LIMCH1: variants seen among roughly 807,000 people sequenced by gnomAD.
LIMCH1 encodes LIM and calponin homology domains 1.
LIMCH1 carries 113 observed loss-of-function variants against 176.5 expected under a neutral mutation model. That is an observed-to-expected ratio of 0.64 (90% CI 0.55 to 0.75). The LOEUF is 0.75. Ranked by LOEUF, LIMCH1 falls within the 30% of genes least tolerant of loss-of-function variation. LIMCH1 has a pLI of 0.00. For missense variants in LIMCH1, 1,674 were observed against 1,814.9 expected (o/e 0.92, Z 1.41); for synonymous variants, 619 against 645.9 (o/e 0.96, Z 0.63).
chr4:41,474,348 G>A (rs1391378738), intron 1 of LIMCH1, among the ~76,000 whole-genome samples: 2 of 152,092 alleles, frequency 1.3e-5, no homozygotes, highest in Admixed American at 6.5e-5. Context: ...TTAGCTGGGT[G>A]TGGTGGCAGG....
intron 1 of LIMCH1, among the ~76,000 whole-genome samples, chr4:41,443,509 T>C (rs1408613222): frequency 6.6e-6 from 1 of 152,258 alleles, no homozygotes; most frequent in South Asian, 2.1e-4. Flanking sequence ...TATTATCCAA[T>C]GAAACCATTC....
chr4:41,542,126 A>G (rs1415120252), intron 1 of LIMCH1, among the ~76,000 whole-genome samples: 1 of 151,944 alleles, frequency 6.6e-6, no homozygotes, highest in Non-Finnish European at 1.5e-5. Context: ...ACATCCTGGG[A>G]TTTTCACACT....
intron 1 of LIMCH1, among the ~76,000 whole-genome samples, chr4:41,456,211 G>C (rs1278984601): frequency 6.6e-6 from 1 of 152,076 alleles, no homozygotes; most frequent in Non-Finnish European, 1.5e-5. Flanking sequence ...CCAGAAACAT[G>C]GCTAGGTTTA....
chr4:41,361,097 C>G (rs2051947923), intron 1 of LIMCH1, among the ~76,000 whole-genome samples: 1 of 152,094 alleles, frequency 6.6e-6, no homozygotes, highest in Non-Finnish European at 1.5e-5. Context: ...AGCCGCGAAA[C>G]CTTAGCGCTT....
At chr4:41,464,325 C>T (rs186918216) in intron 1 of LIMCH1, among the ~76,000 whole-genome samples, 2 of 151,350 alleles carry the variant, frequency 1.3e-5, no homozygotes, top group Admixed American at 6.6e-5. Context: ...ACTCATTCTT[C>T]GGATTTCCAC....
At chr4:41,650,343 TTTGA>T in intron 17 of LIMCH1, 46 bp from the exon 18 acceptor site, 1 of 1,331,978 alleles carries the variant, frequency 7.5e-7, no homozygotes, top group African/African-American at 1.4e-5. Context: ...TGTTACAGTC[TTTGA>T]TTGGGGTATA....
intron 1 of LIMCH1, among the ~76,000 whole-genome samples, chr4:41,435,034 A>G (rs1470786159): frequency 6.6e-6 from 1 of 152,164 alleles, no homozygotes; most frequent in Non-Finnish European, 1.5e-5. Context: ...TTATATGGAA[A>G]ATGAGACTTT....
At chr4:41,482,864 A>G (rs1409446653) in intron 1 of LIMCH1, among the ~76,000 whole-genome samples, 1 of 152,200 alleles carries the variant, frequency 6.6e-6, no homozygotes, top group African/African-American at 2.4e-5. Flanking sequence ...GGGTTGGTAC[A>G]AGTTCATTAA....
chr4:41,390,582 A>T (rs2057120055), intron 1 of LIMCH1, among the ~76,000 whole-genome samples: 2 of 152,204 alleles, frequency 1.3e-5, no homozygotes. Flanking sequence ...AGAATAACAA[A>T]TTTTTTATTG....
chr4:41,502,999 G>GTCCGTCCATCCA (rs1554075693), intron 2 of LIMCH1, among the ~76,000 whole-genome samples: 2 of 138,312 alleles, frequency 1.4e-5, no homozygotes, highest in Admixed American at 1.4e-4. Flanking sequence ...TGGTCTGTCT[G>GTCCGTCCATCCA]TCCATCCATC....
At chr4:41,427,253 A>G (rs1269238341) in intron 1 of LIMCH1, among the ~76,000 whole-genome samples, 1 of 152,114 alleles carries the variant, frequency 6.6e-6, no homozygotes, top group Non-Finnish European at 1.5e-5. Context: ...TCTGAACTGC[A>G]TAGGGCCTGC....
chr4:41,626,885 C>T lies in LIMCH1; in HGVS notation c.903C>T (p.Thr301=). 3.9e-6 allele frequency: 6 copies of T among 1,536,074 alleles called. No homozygotes were observed. Among genetic ancestry groups the T allele is most frequent in the Non-Finnish European group, 5.2e-6 (6 of 1,146,890 alleles). The change falls in exon 8 of 32, where the codon ACC becomes ACT. Residue 301 remains threonine (T), a synonymous_variant. Coordinates refer to ENST00000503057, the MANE Select transcript of LIMCH1 (RefSeq NM_001330672.2). The part of the protein sequence containing the change: ...FAARRARMNQ[T]KPMVPLNQLL... Reference sequence around the variant, plus strand: ...CAAGGAGAGCAAGGATGAACCAAACCAAGCCAATGGTGCCATTAAATCAAC... The same window carrying T: ...CAAGGAGAGCAAGGATGAACCAAACTAAGCCAATGGTGCCATTAAATCAAC...
intron 1 of LIMCH1, among the ~76,000 whole-genome samples, chr4:41,362,189 C>T (rs1022357311): frequency 2.0e-5 from 3 of 152,194 alleles, no homozygotes; most frequent in African/African-American, 7.2e-5. Context: ...ACCTGCTTCC[C>T]GCAAGCAAGA....
At chr4:41,505,925 GACAC>G (rs36212568) in intron 2 of LIMCH1, among the ~76,000 whole-genome samples, 3,056 of 134,610 alleles carry the variant, frequency 0.023, 42 homozygotes, top group East Asian at 0.031. Context: ...CTGTGTTTCT[GACAC>G]ACACACACAC....
chr4:41,586,275 A>G (rs1336728199), intron 1 of LIMCH1, among the ~76,000 whole-genome samples: 1 of 151,642 alleles, frequency 6.6e-6, no homozygotes. Flanking sequence ...TGCCTGGCTA[A>G]TTTTCATATT....
chr4:41,494,466 TA>T, intron 1 of LIMCH1: 3 of 1,033,262 alleles, frequency 2.9e-6, no homozygotes, highest in Non-Finnish European at 4.5e-6. Flanking sequence ...CACACACACA[TA>T]TATATATGAT....
Position 41,403,344 on chromosome 4 carries a change from G to C in LIMCH1, c.96+42408G>C, listed in dbSNP as rs540108703. On this transcript the variant is annotated intron_variant, in intron 1 of 26. Coordinates refer to the LIMCH1 transcript ENST00000313860. Reference sequence around the variant, plus strand: ...AACTGTAATCCCAGCAGTTTGGGAGGCTGAGGCAAGCGGATCACTTGAGCT... The same window carrying C: ...AACTGTAATCCCAGCAGTTTGGGAGCCTGAGGCAAGCGGATCACTTGAGCT... 7.2e-5 allele frequency among the ~76,000 whole-genome samples: 11 copies of C among 152,264 alleles called. No individual in the cohort carries two copies. In the South Asian group the frequency reaches 2.3e-3, roughly 32 times the overall value.
At chr4:41,407,612 T>C (rs1404959424) in intron 1 of LIMCH1, among the ~76,000 whole-genome samples, 1 of 152,204 alleles carries the variant, frequency 6.6e-6, no homozygotes, top group East Asian at 1.9e-4. Flanking sequence ...TGTTGTCACG[T>C]GGCCAATCCG....
At chr4:41,623,370 A>T (rs554435225) in intron 7 of LIMCH1, among the ~76,000 whole-genome samples, 2 of 152,348 alleles carry the variant, frequency 1.3e-5, no homozygotes, top group East Asian at 1.9e-4. Flanking sequence ...GATTGAGATA[A>T]TAGAGCCATG....
Sources: allele counts gnomAD v4.1 joint callset (sites outside exome capture counted in the v4.1 genomes callset), GRCh38; gene constraint gnomAD v4.1.1; transcripts MANE v1.5; gene names NCBI Gene and HGNC (gene_info 2026-07-23, HGNC 2026-07-21).